SNX29: variants seen among roughly 807,000 people sequenced by gnomAD.
The protein encoded by SNX29 is sorting nexin-29.
In SNX29, 78 loss-of-function variants were observed where a neutral mutation model predicts 102.1. The observed-to-expected ratio is 0.76, with a 90% CI of 0.64 to 0.92. The LOEUF (loss-of-function observed/expected upper bound fraction) is 0.92, where lower values mean the gene tolerates loss of function less well. Ranked by LOEUF, SNX29 falls within the 40% of genes least tolerant of loss-of-function variation. The pLI, the probability that SNX29 is intolerant of heterozygous loss-of-function variation, is 0.00. For synonymous variants in SNX29, 580 were observed against 414.5 expected (o/e 1.40, Z -4.85); for missense variants, 1,280 against 1,061.7 (o/e 1.21, Z -2.86).
chr16:12,068,797 A>C (rs1427318024), intron 9 of SNX29, among the ~76,000 whole-genome samples: 2 of 152,118 alleles, frequency 1.3e-5, no homozygotes, highest in African/African-American at 2.4e-5. Context: ...CACCTCCCAA[A>C]GTGCTGGGAT....
intron 15 of SNX29, among the ~76,000 whole-genome samples, chr16:12,351,779 C>G (rs2081998013): frequency 6.6e-6 from 1 of 152,150 alleles, no homozygotes; most frequent in African/African-American, 2.4e-5. Flanking sequence ...ATGTCACTTT[C>G]TTGGTGGTGC....
At position 12,056,876 on chromosome 16, in the gene SNX29, T is replaced by C. The variant is rs2050542594; in HGVS notation, c.1125-4652T>C. ...TCTTGCTCTGTCATCCAGGCTGGAG[T>C]GCAGTGGCCTGATCACACCCTCAAC... On this transcript the variant is annotated intron_variant, in intron 8 of 20. Coordinates refer to ENST00000566228, the MANE Select transcript of SNX29 (RefSeq NM_032167.5). 6.6e-5 allele frequency among the ~76,000 whole-genome samples: 10 copies of C among 152,278 alleles called. No homozygotes were observed. The South Asian group carries it at 2.1e-3, about 32-fold the overall frequency.
At chr16:12,210,072 T>G (rs1267378516) in intron 14 of SNX29, among the ~76,000 whole-genome samples, 1 of 152,218 alleles carries the variant, frequency 6.6e-6, no homozygotes, top group Non-Finnish European at 1.5e-5. Flanking sequence ...AATCTGTTTT[T>G]TCTTTGGGGA....
In SNX29 at chr16:12,385,183, A is replaced by G. The variant is rs868485447; in HGVS notation, c.1900-13263A>G. On this transcript the variant is annotated intron_variant, in intron 16 of 20. Transcript: ENST00000566228. The stretch of plus-strand genomic sequence containing the variant: ...GAAACTCCATCTCAAAAAAGAAAAA[A>G]GAAAAGTTCTGTGGGGACACGGGAG... Among the ~76,000 whole-genome samples, 18 of 152,328 alleles carry G rather than the reference A, an allele frequency of 1.2e-4. 1 individual carries two copies. Among genetic ancestry groups the G allele is most frequent in the Middle Eastern group, 3.4e-3 (1 of 294 alleles).
chr16:12,021,738 A>G (rs1411805346), intron 3 of SNX29, among the ~76,000 whole-genome samples: 1 of 152,054 alleles, frequency 6.6e-6, no homozygotes, highest in African/African-American at 2.4e-5. Context: ...AAATACACAC[A>G]AAAAATGGCC....
intron 18 of SNX29, among the ~76,000 whole-genome samples, chr16:12,464,895 G>C (rs116956637): frequency 1.3e-3 from 200 of 152,158 alleles, no homozygotes; most frequent in African/African-American, 4.3e-3. Context: ...TCCTTTTCTC[G>C]ATACCCTCAC....
chr16:12,381,859 C>A (rs1226435528), intron 16 of SNX29, among the ~76,000 whole-genome samples: 1 of 148,238 alleles, frequency 6.7e-6, no homozygotes, highest in Non-Finnish European at 1.5e-5. Context: ...CATCCACTCA[C>A]CCACTCACCC....
At chr16:12,428,342 C>G (rs944843668) in intron 18 of SNX29, among the ~76,000 whole-genome samples, 10 of 152,258 alleles carry the variant, frequency 6.6e-5, no homozygotes, top group Admixed American at 4.6e-4. Flanking sequence ...AGGGTGGTGT[C>G]CATTCCAAAG....
chr16:12,171,097 C>G lies in SNX29; in HGVS notation c.1596-28504C>G, dbSNP rs184724650. ...GCTTGTTTGCGGTCTATAATTCCTT[C>G]TCTAGCTCCTCATGGACCCTGTGGG... On this transcript the variant is annotated intron_variant, in intron 13 of 20. Coordinates refer to ENST00000566228, the MANE Select transcript of SNX29 (RefSeq NM_032167.5). Among the ~76,000 whole-genome samples the G allele has an allele frequency of 1.1e-4, 17 of 152,222 alleles. No individual in the cohort carries two copies. The East Asian group carries it at 2.9e-3, about 26-fold the overall frequency.
At chr16:11,979,411 G>A (rs973530897) in intron 1 of SNX29, among the ~76,000 whole-genome samples, 1 of 152,012 alleles carries the variant, frequency 6.6e-6, no homozygotes, top group Admixed American at 6.6e-5. Flanking sequence ...CAGAAAAAGT[G>A]GTCTGTGAAA....
chr16:12,212,792 G>A (rs2077221113), intron 14 of SNX29, among the ~76,000 whole-genome samples: 2 of 152,138 alleles, frequency 1.3e-5, no homozygotes, highest in South Asian at 2.1e-4. Context: ...GAAAGAAAAC[G>A]TGGTATGTAT....
chr16:12,351,365 G>C (rs1437379597), intron 15 of SNX29, among the ~76,000 whole-genome samples: 1 of 149,662 alleles, frequency 6.7e-6, no homozygotes, highest in African/African-American at 2.6e-5. Context: ...TTTATAAAAC[G>C]TAACAGATTC....
intron 14 of SNX29, among the ~76,000 whole-genome samples, chr16:12,238,614 G>A (rs1347224773): frequency 3.9e-5 from 6 of 152,184 alleles, no homozygotes; most frequent in East Asian, 1.9e-4. Flanking sequence ...TTGAGCCACC[G>A]CGTCCGGCCT....
intron 11 of SNX29, among the ~76,000 whole-genome samples, chr16:12,122,619 AG>A (rs2054025062): frequency 6.6e-6 from 1 of 152,040 alleles, no homozygotes; most frequent in Non-Finnish European, 1.5e-5. Context: ...AGTCTAACCA[AG>A]GGGGAGCAAA....
At chr16:12,416,625 T>C (rs1224628631) in intron 18 of SNX29, among the ~76,000 whole-genome samples, 3 of 152,186 alleles carry the variant, frequency 2.0e-5, no homozygotes, top group African/African-American at 7.2e-5. Context: ...CTGCAGGCTG[T>C]ACAAGAAGCA....
chr16:12,194,117 A>G (rs1012065345), intron 13 of SNX29, among the ~76,000 whole-genome samples: 1 of 152,222 alleles, frequency 6.6e-6, no homozygotes. Flanking sequence ...CTTCTAAGCC[A>G]TGAACCTGGT....
At chr16:12,176,991 A>G (rs981698748) in intron 13 of SNX29, among the ~76,000 whole-genome samples, 9 of 152,042 alleles carry the variant, frequency 5.9e-5, no homozygotes, top group Admixed American at 2.0e-4. Flanking sequence ...TTTGTCATCC[A>G]GGCTGGAGTG....
At chr16:12,562,480 G>A (rs967891709) in intron 20 of SNX29, among the ~76,000 whole-genome samples, 3 of 152,206 alleles carry the variant, frequency 2.0e-5, no homozygotes, top group Non-Finnish European at 2.9e-5. Context: ...AGGAACTCGA[G>A]TCCTAGAAAG....
At chr16:11,988,222 A>G (rs1441153094) in intron 1 of SNX29, among the ~76,000 whole-genome samples, 1 of 150,402 alleles carries the variant, frequency 6.6e-6, no homozygotes, top group Non-Finnish European at 1.5e-5. Context: ...TGAACCCGGG[A>G]GGCAGAGATT....
Sources: allele counts gnomAD v4.1 joint callset (sites outside exome capture counted in the v4.1 genomes callset), GRCh38; gene constraint gnomAD v4.1.1; transcripts MANE v1.5; gene names NCBI Gene and HGNC (gene_info 2026-07-23, HGNC 2026-07-21).